The following CSGALNACT1 variants were observed in gnomAD, a reference collection of about 807,000 sequenced individuals.
The protein encoded by CSGALNACT1 is chondroitin sulfate N-acetylgalactosaminyltransferase 1, also known as beta4GalNAcT-1.
CSGALNACT1 carries 52 observed loss-of-function variants against 51.0 expected under a neutral mutation model. The observed-to-expected ratio is 1.02, with a 90% CI of 0.82 to 1.29. The LOEUF (loss-of-function observed/expected upper bound fraction) is 1.29, where lower values mean the gene tolerates loss of function less well. CSGALNACT1 is among the 50% of genes most tolerant of loss of function. The probability of loss-of-function intolerance (pLI) is 0.00; values close to 1 mark genes in which losing one functional copy is unlikely to be tolerated. For missense variants in CSGALNACT1, 935 were observed against 679.2 expected (o/e 1.38, Z -4.19); for synonymous variants, 341 against 254.4 (o/e 1.34, Z -3.24).
intron 3 of CSGALNACT1, among the ~76,000 whole-genome samples, chr8:19,554,875 G>A (rs4344101): frequency 0.12 from 18,423 of 152,028 alleles, 1,232 homozygotes; most frequent in Non-Finnish European, 0.15. Context: ...CCAAGATCCC[G>A]CCACTGCATT....
intron 1 of CSGALNACT1, among the ~76,000 whole-genome samples, chr8:19,616,806 G>A (rs1014825864): frequency 3.3e-5 from 5 of 152,100 alleles, no homozygotes; most frequent in African/African-American, 9.7e-5. Flanking sequence ...TGCCATCCAC[G>A]TACAATCAGC....
intron 5 of CSGALNACT1, among the ~76,000 whole-genome samples, chr8:19,442,412 C>T (rs1189648679): frequency 6.6e-6 from 1 of 152,040 alleles, no homozygotes; most frequent in East Asian, 1.9e-4. Flanking sequence ...GAGCTCATGT[C>T]CTTTGTAGGG....
At chr8:19,725,948 A>T (rs192108145) in intron 1 of CSGALNACT1, among the ~76,000 whole-genome samples, 2 of 152,270 alleles carry the variant, frequency 1.3e-5, no homozygotes, top group Non-Finnish European at 2.9e-5. Context: ...GGTATTGTAC[A>T]TTCTATGGGT....
At chr8:19,610,569 A>T (rs1053699787) in intron 1 of CSGALNACT1, among the ~76,000 whole-genome samples, 3 of 152,140 alleles carry the variant, frequency 2.0e-5, no homozygotes, top group Non-Finnish European at 2.9e-5. Context: ...CAACCACAGG[A>T]ACGCACCGGC....
rs1253547841 is a variant in CSGALNACT1 at position 19,722,219 on chromosome 8, C to T, written c.-297+35631G>A. Reference sequence around the variant, plus strand: ...GAAATTGGCGCTTGAGACCGCCCTGCCTCTCCCATTGACTGCTCTCTCCCC... The same window carrying T: ...GAAATTGGCGCTTGAGACCGCCCTGTCTCTCCCATTGACTGCTCTCTCCCC... On this transcript the variant is annotated intron_variant, in intron 1 of 1. Transcript: ENST00000517494. Among the ~76,000 whole-genome samples, 3 of 152,104 alleles carry T rather than the reference C, an allele frequency of 2.0e-5. No individual in the cohort carries two copies. In the East Asian group the frequency reaches 5.8e-4, roughly 29 times the overall value.
chr8:19,566,723 AGTTCCC>A (rs2041975307), intron 3 of CSGALNACT1, among the ~76,000 whole-genome samples: 1 of 152,148 alleles, frequency 6.6e-6, no homozygotes, highest in Admixed American at 6.5e-5. Context: ...TCTGTAAGGG[AGTTCCC>A]CATCTGAAAA....
At chr8:19,439,682 C>A in intron 6 of CSGALNACT1, 148 bp downstream of exon 5, 1 of 708,172 alleles carries the variant, frequency 1.4e-6, no homozygotes, top group South Asian at 1.6e-5. Context: ...GGAGTGCAGA[C>A]TTTTCCCTGA....
chr8:19,640,913 C>G (rs1346437150), intron 1 of CSGALNACT1, among the ~76,000 whole-genome samples: 2 of 151,654 alleles, frequency 1.3e-5, no homozygotes, highest in Non-Finnish European at 2.9e-5. Context: ...ATCCAAAAGG[C>G]TGGATTCAGT....
intron 5 of CSGALNACT1, among the ~76,000 whole-genome samples, chr8:19,446,746 T>G (rs2153786469): frequency 6.6e-6 from 1 of 152,270 alleles, no homozygotes; most frequent in African/African-American, 2.4e-5. Context: ...ACTCCTGACC[T>G]CGGGTGAGCC....
chr8:19,530,581 G>A (rs1368582541), intron 3 of CSGALNACT1, among the ~76,000 whole-genome samples: 2 of 152,028 alleles, frequency 1.3e-5, no homozygotes, highest in Non-Finnish European at 2.9e-5. Flanking sequence ...AAAGTAAATT[G>A]TTCACCGGGC....
chr8:19,419,612 C>T (rs750905370), intron 7 of CSGALNACT1, among the ~76,000 whole-genome samples: 3 of 152,198 alleles, frequency 2.0e-5, no homozygotes, highest in Non-Finnish European at 4.4e-5. Context: ...AGCTCTTCTA[C>T]CCTAGGTAAC....
At chr8:19,645,271 A>G (rs10282953) in intron 1 of CSGALNACT1, among the ~76,000 whole-genome samples, 8,126 of 152,336 alleles carry the variant, frequency 0.053, 281 homozygotes, top group South Asian at 0.087. Flanking sequence ...AGGCAGCATG[A>G]TGCAACGGTA....
intron 1 of CSGALNACT1, among the ~76,000 whole-genome samples, chr8:19,746,315 C>T (rs936752538): frequency 1.3e-5 from 2 of 152,120 alleles, no homozygotes; most frequent in Admixed American, 1.3e-4. Context: ...AAGTCCAAAA[C>T]TAGATTCTGA....
chr8:19,566,770 G>A (rs1272665459), intron 3 of CSGALNACT1, among the ~76,000 whole-genome samples: 1 of 152,128 alleles, frequency 6.6e-6, no homozygotes, highest in South Asian at 2.1e-4. Context: ...CTCCTTCAGG[G>A]TTAAAGGGAT....
intron 3 of CSGALNACT1, among the ~76,000 whole-genome samples, chr8:19,557,534 C>A (rs2039738248): frequency 6.6e-6 from 1 of 152,192 alleles, no homozygotes; most frequent in Non-Finnish European, 1.5e-5. Flanking sequence ...GTTAGCCACA[C>A]AGGCCTATTC....
chr8:19,646,822 C>T (rs934149430), intron 1 of CSGALNACT1, among the ~76,000 whole-genome samples: 2 of 152,152 alleles, frequency 1.3e-5, no homozygotes, highest in Admixed American at 6.5e-5. Context: ...AAGCTTACCA[C>T]CATCTATTGC....
chr8:19,450,157 GAGAGGGAGA>G (rs1340691415), intron 5 of CSGALNACT1, among the ~76,000 whole-genome samples: 58 of 85,580 alleles, frequency 6.8e-4, no homozygotes, highest in East Asian at 3.0e-3. Flanking sequence ...GGAGGAGGAG[GAGAGGGAGA>G]AGGGGGAGAG....
At chr8:19,673,337 C>T (rs1033229710) in intron 1 of CSGALNACT1, among the ~76,000 whole-genome samples, 1 of 152,220 alleles carries the variant, frequency 6.6e-6, no homozygotes, top group Non-Finnish European at 1.5e-5. Context: ...AAGGTGAAGA[C>T]TCTAGGAACA....
At chr8:19,619,248 C>CGGGGGG (rs58524593) in intron 1 of CSGALNACT1, among the ~76,000 whole-genome samples, 13 of 41,418 alleles carry the variant, frequency 3.1e-4, no homozygotes, top group Non-Finnish European at 5.1e-4. Flanking sequence ...TAGACAGGGT[C>CGGGGGG]GGGGGGGGGT....
Sources: allele counts gnomAD v4.1 joint callset (sites outside exome capture counted in the v4.1 genomes callset), GRCh38; gene constraint gnomAD v4.1.1; transcripts MANE v1.5; gene names NCBI Gene and HGNC (gene_info 2026-07-23, HGNC 2026-07-21).